Variants in NCOA2 observed in about 807,000 individuals in gnomAD.
NCOA2 encodes the protein class E basic helix-loop-helix protein 75.
A neutral mutation model predicts 145.1 loss-of-function variants in NCOA2; 21 were observed. The ratio of observed to expected loss-of-function variants is 0.14; its 90% CI spans 0.10 to 0.21. The LOEUF (loss-of-function observed/expected upper bound fraction) is 0.21. NCOA2 is among the 10% of genes least tolerant of loss of function. The pLI is 1.00. For missense variants in NCOA2, 1,472 were observed against 1,837.6 expected (o/e 0.80, Z 3.64); for synonymous variants, 619 against 637.5 (o/e 0.97, Z 0.44).
intron 4 of NCOA2, among the ~76,000 whole-genome samples, chr8:70,180,183 T>C (rs1299436410): frequency 1.3e-5 from 2 of 152,246 alleles, no homozygotes; most frequent in Non-Finnish European, 2.9e-5. Context: ...CTTAAAGAAA[T>C]CATAAAATAT....
intron 1 of NCOA2, 44 bp downstream of exon 1, chr8:70,403,656 C>A: frequency 2.7e-6 from 1 of 365,962 alleles, no homozygotes; most frequent in Non-Finnish European, 4.9e-6. Flanking sequence ...GCCTGCCGCC[C>A]GCCCCCCGCC....
At chr8:70,183,765 A>C (rs1373222740) in intron 4 of NCOA2, among the ~76,000 whole-genome samples, 6 of 152,098 alleles carry the variant, frequency 3.9e-5, no homozygotes, top group Non-Finnish European at 8.8e-5. Flanking sequence ...CCCCATCTTA[A>C]CATTCCCCTC....
At chr8:70,159,685 T>C (rs1296513203) in intron 9 of NCOA2, 33 bp from the exon 10 acceptor site, 1 of 1,578,050 alleles carries the variant, frequency 6.3e-7, no homozygotes, top group Non-Finnish European at 8.6e-7. Flanking sequence ...AAGGCACGTT[T>C]AGAAAAAAAA....
chr8:70,319,785 G>T (rs888233811), intron 1 of NCOA2, among the ~76,000 whole-genome samples: 1 of 152,122 alleles, frequency 6.6e-6, no homozygotes, highest in Non-Finnish European at 1.5e-5. Flanking sequence ...AAACAGGCTT[G>T]TTATCTCCTA....
chr8:70,325,080 A>G (rs926726894), intron 1 of NCOA2, among the ~76,000 whole-genome samples: 1 of 152,182 alleles, frequency 6.6e-6, no homozygotes, highest in African/African-American at 2.4e-5. Flanking sequence ...CCTTACCATT[A>G]CTGTTATTCC....
At chr8:70,303,088 C>T (rs976530032) in intron 1 of NCOA2, among the ~76,000 whole-genome samples, 4 of 152,134 alleles carry the variant, frequency 2.6e-5, no homozygotes, top group African/African-American at 4.8e-5. Flanking sequence ...TAGACCTAGA[C>T]AACCAATTAA....
intron 2 of NCOA2, among the ~76,000 whole-genome samples, chr8:70,258,066 C>A (rs914136440): frequency 6.6e-6 from 1 of 152,128 alleles, no homozygotes; most frequent in Non-Finnish European, 1.5e-5. Flanking sequence ...CAGAGGCACA[C>A]CACCATGCTC....
chr8:70,115,222 C>G (rs994040840), intron 22 of NCOA2, among the ~76,000 whole-genome samples: 6 of 152,116 alleles, frequency 3.9e-5, no homozygotes, highest in Non-Finnish European at 8.8e-5. Context: ...ACGATCTCGG[C>G]TCACTGCAAC....
At chr8:70,455,429 G>A in the NCOA2 span, among the ~76,000 whole-genome samples, 2 of 152,192 alleles carry the variant, frequency 1.3e-5, no homozygotes, top group Non-Finnish European at 2.9e-5. Context: ...AGTGGGAGCC[G>A]TTTTCTTTTT....
At chr8:70,176,127 G>A (rs1382945169) in intron 4 of NCOA2, among the ~76,000 whole-genome samples, 1 of 152,176 alleles carries the variant, frequency 6.6e-6, no homozygotes, top group Admixed American at 6.5e-5. Context: ...AAGTAAATGG[G>A]ATGGTATGTG....
intron 1 of NCOA2, among the ~76,000 whole-genome samples, chr8:70,317,117 C>T (rs1266000813): frequency 2.0e-5 from 3 of 152,180 alleles, no homozygotes; most frequent in African/African-American, 4.8e-5. Flanking sequence ...CAATGTACCG[C>T]GGTTGCAATG....
At chr8:70,364,440 G>A (rs777643442) in intron 1 of NCOA2, among the ~76,000 whole-genome samples, 5 of 152,170 alleles carry the variant, frequency 3.3e-5, no homozygotes, top group Non-Finnish European at 7.4e-5. Context: ...AAAATGCAAT[G>A]TTTTTGAAGA....
intron 2 of NCOA2, among the ~76,000 whole-genome samples, chr8:70,282,662 T>C (rs1207218291): frequency 1.4e-5 from 2 of 141,116 alleles, no homozygotes; most frequent in Non-Finnish European, 3.0e-5. Context: ...TACTCCAGCC[T>C]GGGCAAAAAG....
At chr8:70,202,161 C>G (rs1817964021) in intron 4 of NCOA2, among the ~76,000 whole-genome samples, 2 of 152,102 alleles carry the variant, frequency 1.3e-5, no homozygotes, top group Non-Finnish European at 2.9e-5. Flanking sequence ...TTAAGGACAG[C>G]CACTATCAAA....
Position 70,111,488 on chromosome 8 carries a change from A to G in NCOA2, c.*2144T>C, listed in dbSNP as rs934067784. ...AACATCTGCTTGTTTTTTCCATCAC[A>G]GTTGGGCAACCCAATGGTTTGGTGG... On this transcript the variant is annotated 3_prime_UTR_variant, in exon 23 of 23. Coordinates refer to ENST00000452400, the MANE Select transcript of NCOA2 (RefSeq NM_006540.4). 2 of 218,786 alleles carry G rather than the reference A, an allele frequency of 9.1e-6. No individual in the cohort carries two copies. Among genetic ancestry groups the G allele is most frequent in the Admixed American group, 1.2e-4 (2 of 17,226 alleles). The allele number at this position is 218,786 out of a possible 1,614,324, so 13.6% of individuals were successfully genotyped here. A position where few individuals can be genotyped will look rare whatever the true frequency, so the allele number is the denominator to read the frequency against.
chr8:70,208,931 A>C (rs1276405578), intron 4 of NCOA2, among the ~76,000 whole-genome samples: 1 of 152,242 alleles, frequency 6.6e-6, no homozygotes, highest in Non-Finnish European at 1.5e-5. Flanking sequence ...GCCATGTTTC[A>C]AGGTGTACTT....
chr8:70,406,584 C>T (rs2131900523), upstream of NCOA2, among the ~76,000 whole-genome samples: 1 of 152,206 alleles, frequency 6.6e-6, no homozygotes, highest in South Asian at 2.1e-4. Flanking sequence ...GTAGAAATAA[C>T]ATACCGTGAA....
chr8:70,347,728 A>G (rs1333218807), intron 1 of NCOA2, among the ~76,000 whole-genome samples: 1 of 152,140 alleles, frequency 6.6e-6, no homozygotes, highest in Non-Finnish European at 1.5e-5. Context: ...AGCACAATCA[A>G]TCAATGCCTC....
chr8:70,218,199 GT>G (rs34322124), intron 2 of NCOA2, among the ~76,000 whole-genome samples: 277 of 133,856 alleles, frequency 2.1e-3, no homozygotes, highest in Admixed American at 4.0e-3. Context: ...AGTGGAGTTA[GT>G]TTTTTTTTTT....
Sources: allele counts gnomAD v4.1 joint callset (sites outside exome capture counted in the v4.1 genomes callset), GRCh38; gene constraint gnomAD v4.1.1; transcripts MANE v1.5; gene names NCBI Gene and HGNC (gene_info 2026-07-23, HGNC 2026-07-21).